Variants in KCNIP1 observed in about 807,000 individuals in gnomAD.
The protein encoded by KCNIP1 is A-type potassium channel modulatory protein KCNIP1.
KCNIP1 carries 18 observed loss-of-function variants against 33.0 expected under a neutral mutation model. The ratio of observed to expected loss-of-function variants is 0.55; its 90% CI spans 0.38 to 0.81. The LOEUF is 0.81. Among genes scored for constraint, KCNIP1 ranks in the 30% least tolerant of loss-of-function variants. The pLI is 0.00. For missense variants in KCNIP1, 238 were observed against 271.6 expected (o/e 0.88, Z 0.87); for synonymous variants, 93 against 98.3 (o/e 0.95, Z 0.32).
At chr5:170,724,154 G>A (rs1160810533) in intron 5 of KCNIP1, among the ~76,000 whole-genome samples, 1 of 152,156 alleles carries the variant, frequency 6.6e-6, no homozygotes, top group Non-Finnish European at 1.5e-5. Flanking sequence ...TATATTCACA[G>A]TTAAAAACCA....
At chr5:170,493,962 G>A (rs942838320) in intron 1 of KCNIP1, among the ~76,000 whole-genome samples, 2 of 152,212 alleles carry the variant, frequency 1.3e-5, no homozygotes, top group South Asian at 2.1e-4. Flanking sequence ...CAGGACAGGT[G>A]GGGCAGAGCA....
upstream of KCNIP1, chr5:170,504,000 G>C: frequency 1.2e-4 from 71 of 597,152 alleles, no homozygotes; most frequent in East Asian, 1.4e-4. Flanking sequence ...CGCCCCCTCC[G>C]CCGCCCCCTC....
chr5:170,452,642 A>T lies in KCNIP1; in HGVS notation c.88+98678A>T, dbSNP rs1756281710. 2.0e-5 allele frequency among the ~76,000 whole-genome samples: 3 copies of T among 152,228 alleles called. No individual in the cohort carries two copies. The South Asian group carries it at 6.2e-4, about 32-fold the overall frequency. On this transcript the variant is annotated intron_variant, in intron 1 of 7. Coordinates refer to the KCNIP1 transcript ENST00000377360. ...CCTCTCAGGAAAGCAAAACTTCTTT[A>T]CGACACTTTTAATCAAATCTGTCTT...
At chr5:170,436,355 C>T (rs377166897) in intron 1 of KCNIP1, among the ~76,000 whole-genome samples, 83 of 152,296 alleles carry the variant, frequency 5.4e-4, no homozygotes, top group African/African-American at 1.8e-3. Context: ...GTTCCTGCTC[C>T]GCCTGGTGAG....
At chr5:170,638,788 C>G (rs1267718035) in intron 1 of KCNIP1, among the ~76,000 whole-genome samples, 1 of 152,230 alleles carries the variant, frequency 6.6e-6, no homozygotes, top group African/African-American at 2.4e-5. Context: ...CACACTACAA[C>G]GACAGAGGAA....
At chr5:170,552,671 G>A (rs369171981) in intron 1 of KCNIP1, among the ~76,000 whole-genome samples, 1 of 152,298 alleles carries the variant, frequency 6.6e-6, no homozygotes, top group East Asian at 1.9e-4. Context: ...GGTAGGAAAG[G>A]CAAGGGCTAG....
intron 1 of KCNIP1, 42 bp from the exon 2 acceptor site, chr5:170,718,716 T>G (rs116648788): frequency 0.034 from 54,840 of 1,611,392 alleles, 1,127 homozygotes; most frequent in Middle Eastern, 0.059. Flanking sequence ...CAAGAATGAC[T>G]CCCAAGCTCA....
At chr5:170,444,752 A>C (rs1011550645) in intron 1 of KCNIP1, among the ~76,000 whole-genome samples, 1 of 151,232 alleles carries the variant, frequency 6.6e-6, no homozygotes, top group African/African-American at 2.4e-5. Flanking sequence ...AGACCTCAGG[A>C]CTAAGTACCT....
chr5:170,360,595 C>A (rs1763482142), intron 1 of KCNIP1, among the ~76,000 whole-genome samples: 1 of 152,202 alleles, frequency 6.6e-6, no homozygotes, highest in Non-Finnish European at 1.5e-5. Flanking sequence ...GTCCTCTTCC[C>A]AGCTCCTATC....
intron 7 of KCNIP1, among the ~76,000 whole-genome samples, chr5:170,734,529 G>C (rs1411303087): frequency 6.6e-6 from 1 of 152,182 alleles, no homozygotes; most frequent in African/African-American, 2.4e-5. Flanking sequence ...TGGTGATGCT[G>C]ATCCTGGGAA....
chr5:170,488,831 A>G (rs1757148440), intron 1 of KCNIP1, among the ~76,000 whole-genome samples: 1 of 152,182 alleles, frequency 6.6e-6, no homozygotes, highest in Non-Finnish European at 1.5e-5. Flanking sequence ...AGCAAATGCC[A>G]GGCCTGCAGA....
At chr5:170,660,902 T>C (rs1467934071) in intron 1 of KCNIP1, among the ~76,000 whole-genome samples, 2 of 152,222 alleles carry the variant, frequency 1.3e-5, no homozygotes, top group Non-Finnish European at 2.9e-5. Flanking sequence ...ACCAGTGAGA[T>C]TAACAAGTCG....
chr5:170,724,279 T>C (rs9284979), intron 5 of KCNIP1, among the ~76,000 whole-genome samples: 20,197 of 152,050 alleles, frequency 0.13, 1,712 homozygotes, highest in African/African-American at 0.24. Context: ...GTTTTATAAG[T>C]CCAATAGTAC....
intron 1 of KCNIP1, among the ~76,000 whole-genome samples, chr5:170,674,181 A>AAGGGAGGG (rs1308156609): frequency 1.6e-3 from 60 of 38,496 alleles, no homozygotes; most frequent in Middle Eastern, 0.018. Context: ...GGAAGGAAGG[A>AAGGGAGGG]AGGGAGGGAG....
chr5:170,600,805 T>G (rs554849311), intron 1 of KCNIP1, among the ~76,000 whole-genome samples: 1 of 152,234 alleles, frequency 6.6e-6, no homozygotes, highest in Admixed American at 6.5e-5. Context: ...TGTGCGACCC[T>G]GGGCAAGCTA....
intron 1 of KCNIP1, among the ~76,000 whole-genome samples, chr5:170,542,023 C>A (rs1654299195): frequency 6.6e-6 from 1 of 152,194 alleles, no homozygotes; most frequent in Non-Finnish European, 1.5e-5. Flanking sequence ...ACTGCCAGAT[C>A]CCATTCTAAA....
intron 1 of KCNIP1, among the ~76,000 whole-genome samples, chr5:170,496,218 C>A (rs1172989223): frequency 4.6e-5 from 7 of 152,218 alleles, no homozygotes; most frequent in Non-Finnish European, 4.4e-5. Context: ...TGGGTGGGAG[C>A]ATCATCCACC....
At chr5:170,507,967 A>G (rs183445039) in intron 1 of KCNIP1, among the ~76,000 whole-genome samples, 57 of 152,316 alleles carry the variant, frequency 3.7e-4, no homozygotes, top group Non-Finnish European at 6.5e-4. Flanking sequence ...TTGCATGTGC[A>G]TGACACACCA....
Position 170,393,722 on chromosome 5 carries a change from C to T in KCNIP1, c.88+39758C>T, listed in dbSNP as rs1754678593. On this transcript the variant is annotated intron_variant, in intron 1 of 7. Transcript: ENST00000377360. Reference sequence around the variant, plus strand: ...TAAATGGTCACACAACAAGACACGACAAAAAACATGGTAAAGTTGTTCCCT... The same window carrying T: ...TAAATGGTCACACAACAAGACACGATAAAAAACATGGTAAAGTTGTTCCCT... Among the ~76,000 whole-genome samples, 5 of 152,148 alleles carry T rather than the reference C, an allele frequency of 3.3e-5. No individual in the cohort carries two copies. In the South Asian group the frequency reaches 8.3e-4, roughly 25 times the overall value.
Sources: allele counts gnomAD v4.1 joint callset (sites outside exome capture counted in the v4.1 genomes callset), GRCh38; gene constraint gnomAD v4.1.1; transcripts MANE v1.5; gene names NCBI Gene and HGNC (gene_info 2026-07-23, HGNC 2026-07-21).